The following BNC2 variants were observed in gnomAD, a reference collection of about 807,000 sequenced individuals.
BNC2 encodes the protein zinc finger protein basonuclin-2.
BNC2 carries 20 observed loss-of-function variants against 76.3 expected under a neutral mutation model. That is an observed-to-expected ratio of 0.26 (90% CI 0.18 to 0.38). The LOEUF (loss-of-function observed/expected upper bound fraction) is 0.38, where lower values mean the gene tolerates loss of function less well. BNC2 is among the 10% of genes least tolerant of loss of function. The probability of loss-of-function intolerance (pLI) is 1.00; values close to 1 mark genes in which losing one functional copy is unlikely to be tolerated. For missense variants in BNC2, 1,382 were observed against 1,399.8 expected, an observed-to-expected ratio of 0.99 and a Z score of 0.20; for synonymous variants, 582 against 514.8, an observed-to-expected ratio of 1.13 and a Z score of -1.77.
intron 3 of BNC2, among the ~76,000 whole-genome samples, chr9:16,666,395 A>C (rs949023571): frequency 2.8e-4 from 43 of 152,216 alleles, no homozygotes; most frequent in African/African-American, 9.6e-4. Context: ...TTTTCTCAAC[A>C]TCATGAATCC....
At chr9:16,667,494 G>T (rs1350172548) in intron 3 of BNC2, among the ~76,000 whole-genome samples, 1 of 152,168 alleles carries the variant, frequency 6.6e-6, no homozygotes, top group East Asian at 1.9e-4. Context: ...GTAATTTGAG[G>T]TGGTCATCCT....
In BNC2 at chr9:16,437,170, C is replaced by G. The variant is rs1167947550; in HGVS notation, c.1024G>C (p.Gly342Arg). The stretch of plus-strand genomic sequence containing the variant: ...AACCCTGGTTGCTCTAACAGTAGCC[C>G]ATTTGGAGGCAACCCTAGCAGTGGT... ...SAPLLGLPPN[G>R]LLLEQPGLRL... The change falls in exon 6 of 7, where the codon GGG (glycine) becomes CGG (arginine). Residue 342 changes from glycine (G) to arginine (R), a missense_variant. By Grantham distance (125) the Gly-to-Arg change is moderately radical. Around this residue, in one of 3 missense-constraint regions of BNC2, gnomAD observed 557 missense variants for 540.9 expected, o/e 1.03. Coordinates refer to ENST00000380672, the MANE Select transcript of BNC2 (RefSeq NM_017637.6). 1.9e-6 allele frequency: 3 copies of G among 1,613,998 alleles called. No homozygotes were observed. In the African/African-American group the frequency reaches 4.0e-5, roughly 22 times the overall value.
At chr9:16,694,609 AG>A (rs927690188) in intron 3 of BNC2, among the ~76,000 whole-genome samples, 1 of 152,192 alleles carries the variant, frequency 6.6e-6, no homozygotes, top group African/African-American at 2.4e-5. Flanking sequence ...CCTTCTGCCA[AG>A]GCTCATAATG....
At chr9:16,806,965 G>A (rs527519530) in intron 1 of BNC2, among the ~76,000 whole-genome samples, 1 of 152,214 alleles carries the variant, frequency 6.6e-6, no homozygotes, top group African/African-American at 2.4e-5. Context: ...TAGTAGAGGT[G>A]TGCTATAAAT....
intron 3 of BNC2, among the ~76,000 whole-genome samples, chr9:16,699,432 A>G (rs1490261391): frequency 2.0e-5 from 3 of 152,228 alleles, no homozygotes; most frequent in African/African-American, 7.2e-5. Flanking sequence ...TTCTCAGTGA[A>G]GAGTAAGAAA....
At chr9:16,542,998 C>T (rs1303546591) in intron 5 of BNC2, among the ~76,000 whole-genome samples, 1 of 152,158 alleles carries the variant, frequency 6.6e-6, no homozygotes, top group Non-Finnish European at 1.5e-5. Context: ...CAGAGGATTT[C>T]ATTCCTGTAC....
chr9:16,450,486 T>A (rs1275114683), intron 5 of BNC2, among the ~76,000 whole-genome samples: 1 of 152,208 alleles, frequency 6.6e-6, no homozygotes, highest in Admixed American at 6.5e-5. Context: ...ATGCTTCCAC[T>A]ATATGACACC....
At chr9:16,815,421 T>G (rs556993630) in intron 1 of BNC2, among the ~76,000 whole-genome samples, 1 of 152,320 alleles carries the variant, frequency 6.6e-6, no homozygotes, top group Admixed American at 6.5e-5. Context: ...ATGGAATGTT[T>G]GTAAGGATAC....
At chr9:16,654,579 C>A (rs1821876553) in intron 3 of BNC2, among the ~76,000 whole-genome samples, 1 of 152,120 alleles carries the variant, frequency 6.6e-6, no homozygotes, top group Non-Finnish European at 1.5e-5. Context: ...TTAACTTACA[C>A]AAAAACACAC....
In BNC2 at chr9:16,415,220, C is replaced by G. The variant is rs1218414594; in HGVS notation, c.*3769G>C. ...ACAATTAATATCAGAACAAAGAATG[C>G]CAAGGATTTTTATCACACTTTTAAA... On this transcript the variant is annotated 3_prime_UTR_variant, in exon 7 of 7. Coordinates refer to ENST00000380672, the MANE Select transcript of BNC2 (RefSeq NM_017637.6). The G allele has an allele frequency of 9.2e-5, 14 of 152,462 alleles. No homozygotes were observed. The highest frequency in any genetic ancestry group is 1.5e-5 in the Non-Finnish European group (1 of 68,038). 9.4% of individuals were successfully genotyped at this position (152,462 alleles called of 1,614,324 possible). A position where few individuals can be genotyped will look rare whatever the true frequency, so the allele number is the denominator to read the frequency against.
chr9:16,528,059 T>C (rs908888804), intron 5 of BNC2, among the ~76,000 whole-genome samples: 10 of 152,116 alleles, frequency 6.6e-5, no homozygotes, highest in African/African-American at 2.4e-4. Flanking sequence ...AACAGTAAAA[T>C]GGACTTGGAA....
Position 16,691,545 on chromosome 9 carries a change from T to TGTCACCC in BNC2, c.330+36245_330+36251dup, listed in dbSNP as rs370808260. Reference sequence around the variant, plus strand: ...TTTTTTTTGAAACAGAGTCTCATTCTGTCACCCAGGCTGGAACGCAGTGGT... The same window carrying TGTCACCC: ...TTTTTTTTGAAACAGAGTCTCATTCTGTCACCCGTCACCCAGGCTGGAACGCAGTGGT... On this transcript the variant is annotated intron_variant, in intron 3 of 6. Transcript: ENST00000380672. Among the ~76,000 whole-genome samples the TGTCACCC allele has an allele frequency of 1.7e-3, 248 of 144,396 alleles. 2 individuals are homozygous for TGTCACCC. The highest frequency in any genetic ancestry group is 0.014 in the Middle Eastern group (4 of 286). 94.7% of individuals were successfully genotyped at this position (144,396 alleles called of 152,430 possible).
chr9:16,799,016 G>GT (rs1355707099), intron 1 of BNC2, among the ~76,000 whole-genome samples: 4 of 152,174 alleles, frequency 2.6e-5, no homozygotes, highest in African/African-American at 9.7e-5. Flanking sequence ...CAACAAGCCT[G>GT]TAGTTTTTAT....
At chr9:16,772,224 C>A (rs1272125686) in intron 1 of BNC2, among the ~76,000 whole-genome samples, 1 of 152,040 alleles carries the variant, frequency 6.6e-6, no homozygotes, top group Non-Finnish European at 1.5e-5. Context: ...AACCCACACA[C>A]GGGGTATACT....
chr9:16,671,771 A>T (rs184901398), intron 3 of BNC2, among the ~76,000 whole-genome samples: 1 of 152,198 alleles, frequency 6.6e-6, no homozygotes, highest in South Asian at 2.1e-4. Context: ...AACTCCAGTC[A>T]GCAGATCCTG....
In BNC2 at chr9:16,437,337, A is replaced by G. The variant is rs1326605584; in HGVS notation, c.857T>C (p.Ile286Thr). The G allele has an allele frequency of 1.2e-6, 2 of 1,614,142 alleles. No individual in the cohort carries two copies. The highest frequency in any genetic ancestry group is 1.7e-6 in the Non-Finnish European group (2 of 1,180,010). ...SKTDSDIRTF[I>T]ESNNRTRSPS... Reference sequence around the variant, plus strand: ...ACTCCTGGTGCGATTATTGCTCTCAATGAAAGTCCTTATATCTGAGTCTGT... The same window carrying G: ...ACTCCTGGTGCGATTATTGCTCTCAGTGAAAGTCCTTATATCTGAGTCTGT... The change falls in exon 6 of 7, where the codon ATT (isoleucine) becomes ACT (threonine). Residue 286 changes from isoleucine (I) to threonine (T), a missense_variant. This residue lies in a region of BNC2 where 557 missense variants were observed against 540.9 expected (regional missense o/e 1.03). Coordinates refer to ENST00000380672, the MANE Select transcript of BNC2 (RefSeq NM_017637.6).
At chr9:16,712,381 T>G (rs945511835) in intron 3 of BNC2, among the ~76,000 whole-genome samples, 1 of 152,226 alleles carries the variant, frequency 6.6e-6, no homozygotes, top group Non-Finnish European at 1.5e-5. Flanking sequence ...CATTTTTATA[T>G]TTGTGGGAAA....
At chr9:16,579,588 TA>T (rs560865088) in intron 4 of BNC2, among the ~76,000 whole-genome samples, 484 of 152,290 alleles carry the variant, frequency 3.2e-3, no homozygotes, top group Non-Finnish European at 4.2e-3. Context: ...ACCCAGCTTT[TA>T]ATTTTTTAGA....
intron 3 of BNC2, among the ~76,000 whole-genome samples, chr9:16,666,989 T>A (rs578112132): frequency 1.3e-5 from 2 of 151,744 alleles, no homozygotes; most frequent in Admixed American, 6.6e-5. Context: ...TCTGAAAAAA[T>A]TTAAAACCAA....
Sources: gnomAD v4.1 joint callset for allele counts (sites outside exome capture counted in the v4.1 genomes callset) on GRCh38, gnomAD v4.1.1 for gene constraint, gnomAD v4.1.1 regional missense constraint, MANE v1.5 for transcripts, NCBI Gene and HGNC (gene_info 2026-07-23, HGNC 2026-07-21) for gene names.